ARL10: variants seen among roughly 807,000 people sequenced by gnomAD.
ARL10 encodes the protein ADP-ribosylation factor-like protein 10.
Under a neutral mutation model 26.1 loss-of-function variants are expected in ARL10, and 23 were observed. That is an observed-to-expected ratio of 0.88 (90% CI 0.63 to 1.25). The LOEUF (loss-of-function observed/expected upper bound fraction) is 1.25, where lower values mean the gene tolerates loss of function less well. ARL10 is among the 50% of genes most tolerant of loss of function. The pLI is 0.00. For synonymous variants in ARL10, 138 were observed against 149.1 expected (o/e 0.93, Z 0.54); for missense variants, 300 against 323.6 (o/e 0.93, Z 0.56).
the ARL10 span, among the ~76,000 whole-genome samples, chr5:176,415,057 G>T: frequency 6.6e-6 from 1 of 152,124 alleles, no homozygotes; most frequent in African/African-American, 2.4e-5. Flanking sequence ...AACCTGTTTT[G>T]GATGTACCCA....
At chr5:176,393,061 G>GC (rs1216104150), downstream of ARL10, 49 of 1,198,394 alleles carry the variant, frequency 4.1e-5, no homozygotes, top group Non-Finnish European at 5.7e-5. This position sits in a 1 kb window ranked among gnomAD's most constrained non-coding sequence, Gnocchi z 4.4. Flanking sequence ...CCAGCCTTGT[G>GC]CCCCCCTGAC....
chr5:176,383,910 G>T, downstream of ARL10: 1 of 1,432,696 alleles, frequency 7.0e-7, no homozygotes, highest in Non-Finnish European at 9.2e-7. Context: ...CCCAGGGTTT[G>T]GCTGAGAGCA....
chr5:176,387,421 A>G (rs1755955223), intron 1 of ARL10, among the ~76,000 whole-genome samples: 1 of 152,322 alleles, frequency 6.6e-6, no homozygotes, highest in East Asian at 1.9e-4. Flanking sequence ...CATGTTCTCA[A>G]TAAGTAGTTA....
chr5:176,397,965 C>T (rs765776291), intron 1 of ARL10: 1 of 1,614,138 alleles, frequency 6.2e-7, no homozygotes, highest in Non-Finnish European at 8.5e-7. Context: ...CTCCTCTCGC[C>T]ACTTGCGGAT....
intron 1 of ARL10, among the ~76,000 whole-genome samples, chr5:176,394,496 AC>A (rs1392509461): frequency 2.0e-5 from 3 of 151,830 alleles, no homozygotes; most frequent in Non-Finnish European, 2.9e-5. Flanking sequence ...ACATGGTGAA[AC>A]CCCATCTCTA....
chr5:176,387,020 AG>A, intron 1 of ARL10: 1 of 832,404 alleles, frequency 1.2e-6, no homozygotes, highest in Middle Eastern at 3.0e-4. Flanking sequence ...GCCCACGGTT[AG>A]GTAGAAGTAG....
chr5:176,396,706 G>A (rs187907005), intron 1 of ARL10, among the ~76,000 whole-genome samples: 5 of 152,104 alleles, frequency 3.3e-5, no homozygotes, highest in Non-Finnish European at 7.4e-5. Flanking sequence ...CCAAACAGGA[G>A]AATGGGGACC....
At chr5:176,387,031 G>T in intron 1 of ARL10, 1 of 792,194 alleles carries the variant, frequency 1.3e-6, no homozygotes, top group Non-Finnish European at 2.1e-6. Flanking sequence ...GGTAGAAGTA[G>T]GTAACAATGA....
At chr5:176,406,576 G>A, downstream of ARL10, 1 of 1,289,096 alleles carries the variant, frequency 7.8e-7, no homozygotes, top group South Asian at 1.2e-5. Flanking sequence ...GAGGTGGGGA[G>A]GCGGAGTCCT....
chr5:176,367,152 C>T (rs1768344377), intron 2 of ARL10, among the ~76,000 whole-genome samples: 1 of 151,834 alleles, frequency 6.6e-6, no homozygotes, highest in Non-Finnish European at 1.5e-5. Context: ...GGATTACAGG[C>T]GCCCGCCACC....
downstream of ARL10, among the ~76,000 whole-genome samples, chr5:176,404,401 GC>G (rs989591619): frequency 5.9e-5 from 9 of 152,206 alleles, no homozygotes; most frequent in Admixed American, 5.2e-4. Flanking sequence ...TTTTTCCACA[GC>G]CCTTTGGGGC....
chr5:176,394,288 C>G (rs941558277), intron 1 of ARL10, among the ~76,000 whole-genome samples: 27 of 152,238 alleles, frequency 1.8e-4, no homozygotes, highest in African/African-American at 6.0e-4. Flanking sequence ...ACGACAGAGC[C>G]TGTCAGAAAT....
At chr5:176,391,932 C>A (rs1297354879), downstream of ARL10, among the ~76,000 whole-genome samples, 1 of 152,240 alleles carries the variant, frequency 6.6e-6, no homozygotes, top group Non-Finnish European at 1.5e-5. Context: ...TTACTCAAAT[C>A]TTTTTAAACA....
intron 3 of ARL10, among the ~76,000 whole-genome samples, chr5:176,371,180 G>A (rs979149358): frequency 6.6e-6 from 1 of 152,164 alleles, no homozygotes; most frequent in Non-Finnish European, 1.5e-5. Flanking sequence ...TTCGAGACCA[G>A]CCTGGCCAGC....
chr5:176,398,993 T>A (rs1283144622), intron 1 of ARL10, among the ~76,000 whole-genome samples: 4 of 151,792 alleles, frequency 2.6e-5, no homozygotes, highest in Admixed American at 6.6e-5. Context: ...CAGGCACACG[T>A]CACGACACCC....
intron 3 of ARL10, 141 bp downstream of exon 3, chr5:176,369,123 C>T (rs1208978883): frequency 6.5e-7 from 1 of 1,535,718 alleles, no homozygotes; most frequent in African/African-American, 1.4e-5. Flanking sequence ...TATGCCCTGT[C>T]CTGATCCCTG....
At chr5:176,385,254 G>C (rs1171574882), downstream of ARL10, 2 of 1,611,294 alleles carry the variant, frequency 1.2e-6, no homozygotes, top group African/African-American at 2.7e-5. Flanking sequence ...CTACCATGTA[G>C]CGTACATAGT....
chr5:176,385,090 C>A (rs576402888), downstream of ARL10: 18 of 704,402 alleles, frequency 2.6e-5, no homozygotes, highest in African/African-American at 2.5e-4. Context: ...CAATGGGATC[C>A]ATTTCCTAGA....
chr5:176,406,107 C>A, downstream of ARL10: 1 of 973,024 alleles, frequency 1.0e-6, no homozygotes, highest in Non-Finnish European at 1.2e-6. Flanking sequence ...CCACCCCTAC[C>A]CTTGCCAGTG....
Sources: gnomAD v4.1 joint callset for allele counts (sites outside exome capture counted in the v4.1 genomes callset) on GRCh38, gnomAD v4.1.1 for gene constraint, Gnocchi (gnomAD v3.1) non-coding constraint, MANE v1.5 for transcripts, NCBI Gene and HGNC (gene_info 2026-07-23, HGNC 2026-07-21) for gene names.